Variants in WWOX observed in about 807,000 individuals in gnomAD.
WWOX encodes the protein WW domain containing oxidoreductase.
Under a neutral mutation model 46.2 loss-of-function variants are expected in WWOX, and 69 were observed. That is an observed-to-expected ratio of 1.49 (90% CI 1.23 to 1.82). The LOEUF is 1.82. WWOX is among the 40% of genes most tolerant of loss of function. The probability of loss-of-function intolerance (pLI) is 0.00; values close to 1 mark genes in which losing one functional copy is unlikely to be tolerated. For synonymous variants in WWOX, 359 were observed against 202.6 expected (o/e 1.77, Z -6.56); for missense variants, 919 against 542.6 (o/e 1.69, Z -6.89).
chr16:78,211,270 A>G (rs908640421), intron 5 of WWOX, among the ~76,000 whole-genome samples: 3 of 152,192 alleles, frequency 2.0e-5, no homozygotes, highest in African/African-American at 7.2e-5. Flanking sequence ...GAGACTTCTT[A>G]TGGCTGTGGC....
intron 8 of WWOX, among the ~76,000 whole-genome samples, chr16:78,821,847 T>C (rs74031961): frequency 0.014 from 2,177 of 152,212 alleles, 55 homozygotes; most frequent in African/African-American, 0.05. Context: ...AAGCTAACAA[T>C]TCTCATCTCC....
chr16:78,633,467 A>C (rs1166458109), intron 8 of WWOX, among the ~76,000 whole-genome samples: 1 of 152,126 alleles, frequency 6.6e-6, no homozygotes, highest in Non-Finnish European at 1.5e-5. Flanking sequence ...ATGACTTTAA[A>C]ACAGAACCAC....
chr16:79,145,727 C>G (rs187126826), intron 8 of WWOX, among the ~76,000 whole-genome samples: 24 of 152,140 alleles, frequency 1.6e-4, no homozygotes, highest in Non-Finnish European at 2.9e-5. Flanking sequence ...GTAAAAATTA[C>G]TAGCAATGAA....
At chr16:78,184,296 G>T (rs1741327793) in intron 5 of WWOX, among the ~76,000 whole-genome samples, 2 of 152,070 alleles carry the variant, frequency 1.3e-5, no homozygotes, top group African/African-American at 2.4e-5. Context: ...TTACGGGGAT[G>T]GGGTGGGCTG....
chr16:78,956,501 C>T (rs1281722643), intron 8 of WWOX, among the ~76,000 whole-genome samples: 1 of 152,072 alleles, frequency 6.6e-6, no homozygotes, highest in African/African-American at 2.4e-5. Context: ...TCATCATCAC[C>T]TAAAGTCTAT....
intron 8 of WWOX, among the ~76,000 whole-genome samples, chr16:78,799,691 T>C (rs1216224099): frequency 6.6e-6 from 1 of 152,188 alleles, no homozygotes; most frequent in African/African-American, 2.4e-5. Context: ...TCTTTTATGC[T>C]GCCTGCTCTC....
chr16:78,869,811 C>G (rs890031201), intron 8 of WWOX, among the ~76,000 whole-genome samples: 1 of 152,226 alleles, frequency 6.6e-6, no homozygotes, highest in African/African-American at 2.4e-5. Context: ...AGAGAAGACT[C>G]AGCATTTGCT....
At chr16:78,361,197 T>A (rs757534287) in intron 5 of WWOX, among the ~76,000 whole-genome samples, 4 of 152,290 alleles carry the variant, frequency 2.6e-5, no homozygotes, top group Middle Eastern at 3.4e-3. Context: ...TGTCCAGTAT[T>A]TTCTCATCAT....
intron 8 of WWOX, among the ~76,000 whole-genome samples, chr16:78,806,145 G>C (rs1043584308): frequency 6.6e-6 from 1 of 152,062 alleles, no homozygotes; most frequent in African/African-American, 2.4e-5. Context: ...TCTTTCAAAT[G>C]TTTCACTTAA....
intron 8 of WWOX, among the ~76,000 whole-genome samples, chr16:78,448,993 G>A (rs1474851632): frequency 1.3e-5 from 2 of 152,258 alleles, no homozygotes; most frequent in South Asian, 4.1e-4. Flanking sequence ...TATCACAGGT[G>A]TCCTGTTTCT....
At chr16:78,747,278 G>A (rs1597539282) in intron 8 of WWOX, among the ~76,000 whole-genome samples, 1 of 147,354 alleles carries the variant, frequency 6.8e-6, no homozygotes, top group Non-Finnish European at 1.5e-5. Context: ...TGCAACCTCT[G>A]CCTCCCGGGT....
chr16:79,113,574 G>A (rs923000531), intron 8 of WWOX, among the ~76,000 whole-genome samples: 6 of 152,248 alleles, frequency 3.9e-5, no homozygotes, highest in African/African-American at 1.4e-4. Context: ...TTACGCCTGG[G>A]TGGAATGAGC....
At chr16:78,807,105 A>G (rs147542847) in intron 8 of WWOX, among the ~76,000 whole-genome samples, 104 of 152,320 alleles carry the variant, frequency 6.8e-4, no homozygotes, top group African/African-American at 2.2e-3. Flanking sequence ...TGGATGCTCA[A>G]TAAGTCTTTG....
intron 8 of WWOX, among the ~76,000 whole-genome samples, chr16:78,868,717 G>T (rs2044061049): frequency 6.6e-6 from 1 of 152,164 alleles, no homozygotes; most frequent in African/African-American, 2.4e-5. Flanking sequence ...TGGAACCAAT[G>T]CTGATGAGCC....
At chr16:78,773,385 G>T (rs889686692) in intron 8 of WWOX, among the ~76,000 whole-genome samples, 8 of 152,258 alleles carry the variant, frequency 5.3e-5, no homozygotes, top group African/African-American at 1.9e-4. Context: ...ACCATCCTCT[G>T]GTCCCACCCA....
chr16:78,771,600 C>T (rs554207120), intron 8 of WWOX, among the ~76,000 whole-genome samples: 136 of 152,040 alleles, frequency 8.9e-4, no homozygotes, highest in Non-Finnish European at 1.7e-3. Flanking sequence ...GGTGAAACCC[C>T]GTTTCTACTA....
intron 8 of WWOX, among the ~76,000 whole-genome samples, chr16:78,682,171 A>T (rs1280817766): frequency 6.6e-6 from 1 of 152,284 alleles, no homozygotes; most frequent in East Asian, 1.9e-4. Context: ...TATTTTTTAC[A>T]CCTACAAATC....
intron 8 of WWOX, among the ~76,000 whole-genome samples, chr16:78,659,299 T>C (rs370625513): frequency 9.9e-5 from 15 of 152,056 alleles, no homozygotes; most frequent in East Asian, 3.9e-4. Flanking sequence ...AGCCCAGTTT[T>C]TTCAGTTGCA....
chr16:78,695,860 T>C lies in WWOX; in HGVS notation c.1056+263108T>C, dbSNP rs367556290. Among the ~76,000 whole-genome samples, 51 of 152,304 alleles carry C rather than the reference T, an allele frequency of 3.3e-4. No individual in the cohort carries two copies. The South Asian group carries it at 8.5e-3, about 25-fold the overall frequency. On this transcript the variant is annotated intron_variant, in intron 8 of 8. Coordinates refer to ENST00000566780, the MANE Select transcript of WWOX (RefSeq NM_016373.4). The stretch of plus-strand genomic sequence containing the variant: ...CAGGTACGCTGTGGAAGGACAGATG[T>C]CATTCCTTAAAGGGGCTGCACTGAA...
Sources: allele counts gnomAD v4.1 joint callset (sites outside exome capture counted in the v4.1 genomes callset), GRCh38; gene constraint gnomAD v4.1.1; transcripts MANE v1.5; gene names NCBI Gene and HGNC (gene_info 2026-07-23, HGNC 2026-07-21).